CCDC63: variants seen among roughly 807,000 people sequenced by gnomAD.
CCDC63 encodes coiled-coil domain-containing protein 63.
Under a neutral mutation model 63.6 loss-of-function variants are expected in CCDC63, and 54 were observed. That is an observed-to-expected ratio of 0.85 (90% confidence interval 0.68 to 1.07). CCDC63 has a LOEUF of 1.07. CCDC63 is among the 50% of genes least tolerant of loss of function. CCDC63 has a pLI of 0.00. For missense variants in CCDC63, 637 were observed against 689.6 expected, an observed-to-expected ratio of 0.92 and a Z score of 0.86; for synonymous variants, 253 against 266.1, an observed-to-expected ratio of 0.95 and a Z score of 0.48.
At chr12:110,850,705 C>T (rs528686491) in intron 1 of CCDC63, among the ~76,000 whole-genome samples, 2 of 152,202 alleles carry the variant, frequency 1.3e-5, no homozygotes, top group African/African-American at 4.8e-5. Context: ...TGTGCCGTTG[C>T]ACTCCAGCCT....
chr12:110,864,707 CAAA>C (rs112919673), intron 4 of CCDC63, among the ~76,000 whole-genome samples: 1 of 126,556 alleles, frequency 7.9e-6, no homozygotes, highest in Non-Finnish European at 1.7e-5. Flanking sequence ...GACTCCATCT[CAAA>C]AAAAAAAAAA....
intron 7 of CCDC63, among the ~76,000 whole-genome samples, chr12:110,881,729 G>A (rs2071212189): frequency 6.7e-6 from 1 of 150,022 alleles, no homozygotes; most frequent in Non-Finnish European, 1.5e-5. Context: ...AAAAAAAAAT[G>A]CCTAGTTAAA....
At chr12:110,867,530 A>AC (rs1170298098) in intron 4 of CCDC63, among the ~76,000 whole-genome samples, 4 of 83,702 alleles carry the variant, frequency 4.8e-5, no homozygotes, top group South Asian at 4.3e-4. Flanking sequence ...CGGGGGGCTG[A>AC]CCCCCCCACC....
intron 4 of CCDC63, among the ~76,000 whole-genome samples, chr12:110,863,255 GAC>G (rs963854706): frequency 4.3e-5 from 6 of 138,892 alleles, no homozygotes; most frequent in Non-Finnish European, 7.8e-5. Flanking sequence ...CGCTTTGAGT[GAC>G]ACACACGTGT....
At chr12:110,880,756 T>C (rs371436814) in intron 6 of CCDC63, among the ~76,000 whole-genome samples, 9 of 834 alleles carry the variant, frequency 0.011, no homozygotes, top group South Asian at 0.033. Context: ...GTGATGGTGG[T>C]GATGATAGTG....
chr12:110,892,915 A>T (rs1315735775), intron 8 of CCDC63, among the ~76,000 whole-genome samples, 161 bp from the exon 9 acceptor site: 26 of 152,144 alleles, frequency 1.7e-4, no homozygotes, highest in Admixed American at 1.7e-3. Flanking sequence ...GAAGAAAAAA[A>T]AATAATAACC....
chr12:110,869,616 G>C (rs1389013251), intron 4 of CCDC63, among the ~76,000 whole-genome samples: 3 of 152,182 alleles, frequency 2.0e-5, no homozygotes, highest in African/African-American at 7.2e-5. Flanking sequence ...CACACTGCTA[G>C]CAGTGTGTTG....
At chr12:110,899,254 G>A in intron 10 of CCDC63, 129 bp downstream of exon 10, 1 of 766,760 alleles carries the variant, frequency 1.3e-6, no homozygotes, top group South Asian at 2.1e-5. Context: ...AAGCCAGCCT[G>A]CCTGGGTTTG....
chr12:110,846,549 A>G (rs938832445), upstream of CCDC63, among the ~76,000 whole-genome samples: 3 of 150,294 alleles, frequency 2.0e-5, no homozygotes, highest in Non-Finnish European at 4.4e-5. Context: ...TTTTTAATTT[A>G]TTTTTACTTT....
chr12:110,891,499 TA>T (rs2071355961), intron 8 of CCDC63, among the ~76,000 whole-genome samples: 1 of 150,930 alleles, frequency 6.6e-6, no homozygotes, highest in Admixed American at 6.6e-5. Flanking sequence ...GAAAAATTTT[TA>T]AAAAATTAGT....
chr12:110,851,373 C>T (rs2070703239), intron 1 of CCDC63, among the ~76,000 whole-genome samples: 1 of 152,212 alleles, frequency 6.6e-6, no homozygotes, highest in African/African-American at 2.4e-5. Context: ...TCAGCCCCTC[C>T]TGACCTTATC....
intron 1 of CCDC63, among the ~76,000 whole-genome samples, chr12:110,850,186 TA>T (rs1188771283): frequency 6.6e-6 from 1 of 152,190 alleles, no homozygotes; most frequent in Non-Finnish European, 1.5e-5. Context: ...CTGCCTCCTG[TA>T]AATGTCAGAT....
At chr12:110,865,279 T>C (rs2070927734) in intron 4 of CCDC63, among the ~76,000 whole-genome samples, 2 of 152,152 alleles carry the variant, frequency 1.3e-5, no homozygotes, top group African/African-American at 4.8e-5. Context: ...TCTTGCTGCC[T>C]AAAATCCATC....
chr12:110,854,593 C>T (rs1436455591), intron 3 of CCDC63, among the ~76,000 whole-genome samples: 4 of 152,024 alleles, frequency 2.6e-5, no homozygotes, highest in Admixed American at 6.6e-5. Flanking sequence ...CCATGCCCAG[C>T]TGTGTGTATC....
At chr12:110,883,670 T>G (rs2071238712) in intron 7 of CCDC63, among the ~76,000 whole-genome samples, 1 of 152,256 alleles carries the variant, frequency 6.6e-6, no homozygotes, top group East Asian at 1.9e-4. Context: ...GATGGAGTCT[T>G]GCTCCATCGC....
chr12:110,891,616 C>G (rs2071357404), intron 8 of CCDC63, among the ~76,000 whole-genome samples: 1 of 117,654 alleles, frequency 8.5e-6, no homozygotes, highest in African/African-American at 3.4e-5. Flanking sequence ...GCCTGGGTGA[C>G]AGAGAGAGAC....
At position 110,857,284 on chromosome 12, in the gene CCDC63, C is replaced by A. The variant is rs61453357; in HGVS notation, c.180-1302C>A. ...AGGATTACAGGCGCCCACCACCCCC[C>A]CCGGCTAATTTTTTGTATTTTTACT... is the stretch of plus-strand genomic sequence containing the variant. On this transcript the variant is annotated intron_variant, in intron 3 of 11. Transcript: ENST00000308208. 4.0e-4 allele frequency among the ~76,000 whole-genome samples: 61 copies of A among 151,942 alleles called. 1 individual carries two copies. Among genetic ancestry groups the A allele is most frequent in the East Asian group, 2.9e-3 (15 of 5,146 alleles).
In CCDC63 at chr12:110,889,430, G is replaced by A. The variant is rs993318153; in HGVS notation, c.1075-3646G>A. 6.6e-6 allele frequency among the ~76,000 whole-genome samples: 1 copy of A among 152,160 alleles called. No homozygotes were observed. Among genetic ancestry groups the A allele is most frequent in the Non-Finnish European group, 1.5e-5 (1 of 68,026 alleles). On this transcript the variant is annotated intron_variant, in intron 8 of 11. Coordinates refer to ENST00000308208, the MANE Select transcript of CCDC63 (RefSeq NM_152591.3). This position sits in a 1 kb window ranked among gnomAD's most constrained non-coding sequence, Gnocchi z 4.1. ...GGGTTTTGGAGCCGGTTGGGGCCCC[G>A]GGCAGTTGAGAAGTTAAGATCTGAG...
chr12:110,890,959 T>G (rs2071349699), intron 8 of CCDC63, among the ~76,000 whole-genome samples: 1 of 151,894 alleles, frequency 6.6e-6, no homozygotes. Flanking sequence ...TGTATTTTTT[T>G]GTAGAGATGG....
Sources: allele counts gnomAD v4.1 joint callset (sites outside exome capture counted in the v4.1 genomes callset), GRCh38; gene constraint gnomAD v4.1.1; non-coding constraint Gnocchi (gnomAD v3.1); transcripts MANE v1.5; gene names NCBI Gene and HGNC (gene_info 2026-07-23, HGNC 2026-07-21).